The following PCDHA11 variants were observed in gnomAD, a reference collection of about 807,000 sequenced individuals.
PCDHA11 encodes protocadherin alpha-11.
PCDHA11 carries 61 observed loss-of-function variants against 70.3 expected under a neutral mutation model. The observed-to-expected ratio is 0.87, with a 90% confidence interval of 0.71 to 1.07. The LOEUF is 1.07. PCDHA11 is among the 50% of genes least tolerant of loss of function. The probability of loss-of-function intolerance (pLI) is 0.00; values close to 1 mark genes in which losing one functional copy is unlikely to be tolerated. For synonymous variants in PCDHA11, 633 were observed against 555.1 expected (o/e 1.14, Z -1.97); for missense variants, 1,324 against 1,237.5 (o/e 1.07, Z -1.05).
intron 1 of PCDHA11, among the ~76,000 whole-genome samples, chr5:140,919,753 T>C (rs1386045187): frequency 6.6e-6 from 1 of 152,212 alleles, no homozygotes; most frequent in Non-Finnish European, 1.5e-5. Flanking sequence ...ATTTCTCTTC[T>C]GCCTTTTGTA....
In PCDHA11 at chr5:140,870,432, G is replaced by A. The variant is rs368823990; in HGVS notation, c.1329G>A (p.Glu443=). Residue 443 remains glutamate (E), a synonymous_variant, in exon 1 of 4, where the codon GAG becomes GAA. Transcript: ENST00000398640. ...GGGCCACGGCCAGGGTATCCGTGGAGGTGGCCGACGTGAACGACAATGCGC... is the reference window on the plus strand; with the variant it reads ...GGGCCACGGCCAGGGTATCCGTGGAAGTGGCCGACGTGAACGACAATGCGC... The part of the protein sequence containing the change: ...SLWATARVSV[E]VADVNDNAPA... 721 of 1,614,252 alleles carry A rather than the reference G, an allele frequency of 4.5e-4. 4 individuals carry two copies. In the African/African-American group the frequency reaches 8.4e-3, roughly 19 times the overall value.
At chr5:140,951,289 T>C (rs546786558) in intron 1 of PCDHA11, among the ~76,000 whole-genome samples, 12 of 152,232 alleles carry the variant, frequency 7.9e-5, no homozygotes, top group Non-Finnish European at 1.3e-4. Context: ...TTTTGGATTA[T>C]ATCTTGATAT....
intron 1 of PCDHA11, among the ~76,000 whole-genome samples, chr5:140,925,821 T>C (rs1381036851): frequency 1.3e-5 from 2 of 152,136 alleles, no homozygotes; most frequent in African/African-American, 4.8e-5. Context: ...CACGTCTTCT[T>C]TGGGGACGGG....
At chr5:140,941,624 T>A (rs2093131699) in intron 1 of PCDHA11, among the ~76,000 whole-genome samples, 1 of 151,964 alleles carries the variant, frequency 6.6e-6, no homozygotes, top group Non-Finnish European at 1.5e-5. Flanking sequence ...CCATCCTGCT[T>A]CTTAATTTCT....
chr5:140,920,817 C>A (rs1430508925), intron 1 of PCDHA11, among the ~76,000 whole-genome samples: 1 of 150,498 alleles, frequency 6.6e-6, no homozygotes, highest in African/African-American at 2.5e-5. Flanking sequence ...GCACTCCAGC[C>A]TGGCGACGGA....
chr5:140,906,761 A>G (rs896512633), intron 1 of PCDHA11, among the ~76,000 whole-genome samples: 2 of 152,204 alleles, frequency 1.3e-5, no homozygotes, highest in Non-Finnish European at 2.9e-5. Flanking sequence ...GGTAATACTA[A>G]GAGACACCCT....
intron 1 of PCDHA11, among the ~76,000 whole-genome samples, chr5:140,940,317 A>G (rs782009825): frequency 1.5e-4 from 23 of 152,024 alleles, no homozygotes; most frequent in Non-Finnish European, 2.2e-4. Context: ...CTTTCTTCCA[A>G]TTTTACTAAT....
intron 1 of PCDHA11, among the ~76,000 whole-genome samples, chr5:140,922,043 C>T (rs1305034895): frequency 6.6e-6 from 1 of 152,068 alleles, no homozygotes; most frequent in East Asian, 1.9e-4. Flanking sequence ...AATTTTCCCA[C>T]ATACCTTCAA....
chr5:140,957,327 A>G (rs1554222920), intron 1 of PCDHA11, among the ~76,000 whole-genome samples: 1 of 152,182 alleles, frequency 6.6e-6, no homozygotes, highest in East Asian at 1.9e-4. Context: ...AGCACAGTAC[A>G]GTAAGATATT....
chr5:140,882,050 T>A, intron 1 of PCDHA11: 1 of 756,750 alleles, frequency 1.3e-6, no homozygotes, highest in African/African-American at 1.8e-5. Flanking sequence ...GAGTCATACT[T>A]ACACTTACAC....
At chr5:140,944,865 T>G (rs1227128611) in intron 1 of PCDHA11, among the ~76,000 whole-genome samples, 3 of 152,166 alleles carry the variant, frequency 2.0e-5, no homozygotes, top group Non-Finnish European at 4.4e-5. Flanking sequence ...TTATTTATCT[T>G]AACCACCTAC....
chr5:140,919,609 CT>C (rs2079218169), intron 1 of PCDHA11, among the ~76,000 whole-genome samples: 2 of 151,908 alleles, frequency 1.3e-5, no homozygotes, highest in South Asian at 4.1e-4. Flanking sequence ...AAATTTTAAA[CT>C]GTATCTTTTG....
chr5:140,966,259 G>A (rs1358322921), intron 1 of PCDHA11: 1 of 340,612 alleles, frequency 2.9e-6, no homozygotes, highest in Non-Finnish European at 5.3e-6. Context: ...AGACGGTGGA[G>A]ACTGGATGAA....
chr5:140,877,515 G>A (rs371100299), intron 1 of PCDHA11: 177 of 1,613,796 alleles, frequency 1.1e-4, no homozygotes, highest in Admixed American at 4.8e-4. Context: ...CGTCGTCGCG[G>A]GCCTCAGTGG....
At chr5:140,929,217 C>T (rs1183459158) in intron 1 of PCDHA11, 1 of 1,614,016 alleles carries the variant, frequency 6.2e-7, no homozygotes, top group Non-Finnish European at 8.5e-7. Flanking sequence ...GTGGGGAGTA[C>T]AATGCTGCCG....
chr5:140,941,206 T>TCTTC (rs201128549), intron 1 of PCDHA11, among the ~76,000 whole-genome samples: 3,670 of 95,482 alleles, frequency 0.038, 169 homozygotes, highest in African/African-American at 0.16. Flanking sequence ...TTTCTTCCTT[T>TCTTC]CTTTCTTCCT....
chr5:140,874,557 G>T (rs782715249), intron 1 of PCDHA11, among the ~76,000 whole-genome samples: 3 of 152,146 alleles, frequency 2.0e-5, no homozygotes, highest in African/African-American at 7.2e-5. Flanking sequence ...GAGATCTTTC[G>T]CATTTTAGTG....
At chr5:140,898,583 G>C (rs1179481608) in intron 1 of PCDHA11, among the ~76,000 whole-genome samples, 2 of 152,124 alleles carry the variant, frequency 1.3e-5, no homozygotes, top group African/African-American at 4.8e-5. Context: ...TGCTGTTTTG[G>C]TTACTGTAGC....
intron 1 of PCDHA11, among the ~76,000 whole-genome samples, chr5:140,969,735 T>A (rs1029423690): frequency 2.6e-5 from 4 of 152,188 alleles, no homozygotes; most frequent in Non-Finnish European, 5.9e-5. Flanking sequence ...TGAAATCCTA[T>A]ATGAGTGATG....
Sources: allele counts gnomAD v4.1 joint callset (sites outside exome capture counted in the v4.1 genomes callset), GRCh38; gene constraint gnomAD v4.1.1; transcripts MANE v1.5; gene names NCBI Gene and HGNC (gene_info 2026-07-23, HGNC 2026-07-21).